PDE4D: variants seen among roughly 807,000 people sequenced by gnomAD.
PDE4D encodes 3',5'-cyclic-AMP phosphodiesterase 4D.
Under a neutral mutation model 87.4 loss-of-function variants are expected in PDE4D, and 24 were observed. The ratio of observed to expected loss-of-function variants is 0.27; its 90% CI spans 0.20 to 0.39. PDE4D has a LOEUF of 0.39. Among genes scored for constraint, PDE4D ranks in the 10% least tolerant of loss-of-function variants. The pLI, the probability that PDE4D is intolerant of heterozygous loss-of-function variation, is 1.00. For missense variants in PDE4D, 714 were observed against 1,041.0 expected (o/e 0.69, Z 4.32); for synonymous variants, 384 against 383.2 (o/e 1.00, Z -0.02).
At chr5:60,076,540 A>G (rs1006032567) in intron 2 of PDE4D, among the ~76,000 whole-genome samples, 10 of 152,088 alleles carry the variant, frequency 6.6e-5, no homozygotes, top group African/African-American at 2.2e-4. Context: ...TCATGGTGGT[A>G]TAAGGTGGGT....
intron 1 of PDE4D, among the ~76,000 whole-genome samples, chr5:60,502,574 A>C (rs1750136375): frequency 6.6e-6 from 1 of 152,218 alleles, no homozygotes; most frequent in Admixed American, 6.5e-5. Flanking sequence ...GCTGTAGACC[A>C]GAGCTGTTCC....
chr5:59,686,548 G>C (rs796294481), intron 1 of PDE4D, among the ~76,000 whole-genome samples: 10 of 152,164 alleles, frequency 6.6e-5, no homozygotes, highest in African/African-American at 2.4e-4. Flanking sequence ...AAATAGAAAT[G>C]ATCACAATTT....
intron 2 of PDE4D, among the ~76,000 whole-genome samples, chr5:59,213,357 T>C (rs1183479302): frequency 6.6e-6 from 1 of 152,024 alleles, no homozygotes; most frequent in Non-Finnish European, 1.5e-5. Context: ...GGACAAGGTC[T>C]CACTATGTTG....
At chr5:59,776,247 CATTAAACTTCTCTGGAA>C (rs1764066999) in intron 1 of PDE4D, among the ~76,000 whole-genome samples, 1 of 152,088 alleles carries the variant, frequency 6.6e-6, no homozygotes, top group African/African-American at 2.4e-5. Flanking sequence ...TCAACAAGTT[CATTAAACTTCTCTGGAA>C]CTCACTTTCC....
intron 1 of PDE4D, among the ~76,000 whole-genome samples, chr5:60,343,877 T>A (rs1758516245): frequency 6.6e-6 from 1 of 152,254 alleles, no homozygotes; most frequent in East Asian, 1.9e-4. Flanking sequence ...AATATTCGGG[T>A]TGTTTAATGA....
Position 59,754,675 on chromosome 5 carries a change from G to A in PDE4D, c.455+138493C>T, listed in dbSNP as rs189945665. ...AAAAGATTACAGGGTAGAAAAATGT[G>A]GTTCCTTACTTAGCTCTCATTTATT... On this transcript the variant is annotated intron_variant, in intron 1 of 14. Transcript: ENST00000340635. 3.3e-5 allele frequency among the ~76,000 whole-genome samples: 5 copies of A among 151,836 alleles called. No individual in the cohort carries two copies. In the East Asian group the frequency reaches 9.7e-4, roughly 29 times the overall value.
chr5:60,076,142 A>T (rs1773265920), intron 2 of PDE4D, among the ~76,000 whole-genome samples: 1 of 150,544 alleles, frequency 6.6e-6, no homozygotes, highest in South Asian at 2.1e-4. Flanking sequence ...TTGTGGTCTG[A>T]TGTTCCTCCA....
intron 1 of PDE4D, among the ~76,000 whole-genome samples, chr5:59,499,887 A>G (rs1807974535): frequency 6.6e-6 from 1 of 152,108 alleles, no homozygotes; most frequent in Non-Finnish European, 1.5e-5. Flanking sequence ...TATTCAAAAA[A>G]AAAAAAAAAT....
chr5:60,123,661 A>C (rs1231660980), intron 2 of PDE4D, among the ~76,000 whole-genome samples: 3 of 152,082 alleles, frequency 2.0e-5, no homozygotes, highest in African/African-American at 7.2e-5. Context: ...TCAATGTCAA[A>C]GTCTTCTTGA....
intron 1 of PDE4D, among the ~76,000 whole-genome samples, chr5:60,519,685 G>A (rs1750950912): frequency 6.6e-6 from 1 of 152,166 alleles, no homozygotes; most frequent in South Asian, 2.1e-4. Context: ...TTTTCCTTTG[G>A]TAACTGTCTC....
intron 1 of PDE4D, among the ~76,000 whole-genome samples, chr5:59,655,911 T>A (rs1744275511): frequency 6.6e-6 from 1 of 152,210 alleles, no homozygotes; most frequent in Admixed American, 6.5e-5. Flanking sequence ...TCTAGATCAC[T>A]TCAAGTTATG....
intron 1 of PDE4D, among the ~76,000 whole-genome samples, chr5:60,305,903 C>G (rs1754459853): frequency 6.6e-6 from 1 of 151,918 alleles, no homozygotes; most frequent in South Asian, 2.1e-4. Flanking sequence ...TAACAAAACT[C>G]TCTTAAAGAG....
At chr5:59,232,511 C>CAA (rs34024693) in intron 1 of PDE4D, among the ~76,000 whole-genome samples, 57,552 of 141,620 alleles carry the variant, frequency 0.41, 12,207 homozygotes, top group East Asian at 0.58. Context: ...ATTAAAAGAC[C>CAA]AAAAAAAAAA....
intron 2 of PDE4D, among the ~76,000 whole-genome samples, chr5:60,123,285 A>G (rs1387790233): frequency 2.0e-5 from 3 of 152,100 alleles, no homozygotes; most frequent in Non-Finnish European, 2.9e-5. Flanking sequence ...ATTGGTACCA[A>G]TTTACTGTAT....
chr5:60,247,038 T>C (rs1293136853), intron 1 of PDE4D, among the ~76,000 whole-genome samples: 1 of 152,040 alleles, frequency 6.6e-6, no homozygotes. Flanking sequence ...GATGTGTTTT[T>C]GAAGGAGACA....
intron 11 of PDE4D, among the ~76,000 whole-genome samples, chr5:58,980,370 A>C (rs193173773): frequency 2.1e-4 from 32 of 152,298 alleles, no homozygotes; most frequent in Admixed American, 1.4e-3. Flanking sequence ...CCTTATACTG[A>C]CTATGATTAC....
rs974291732 is a variant in PDE4D at position 60,055,057 on chromosome 5, A to G, written c.43-66340T>C. Among the ~76,000 whole-genome samples, 9 of 152,264 alleles carry G rather than the reference A, an allele frequency of 5.9e-5. No homozygotes were observed. In the South Asian group the frequency reaches 1.0e-3, roughly 18 times the overall value. On this transcript the variant is annotated intron_variant, in intron 2 of 16. Coordinates refer to the PDE4D transcript ENST00000502484. ...AATCATGTAGCCCATTACAAAGATC[A>G]ATGGCATCAATAAACACTGCCTTAT...
chr5:59,120,489 TCA>T (rs1242845104), intron 5 of PDE4D, among the ~76,000 whole-genome samples: 6 of 152,056 alleles, frequency 3.9e-5, no homozygotes, highest in Admixed American at 2.0e-4. Context: ...CTCAAGAACA[TCA>T]CAGTTTATGG....
At chr5:59,026,077 G>A (rs1756181499) in intron 6 of PDE4D, among the ~76,000 whole-genome samples, 1 of 152,176 alleles carries the variant, frequency 6.6e-6, no homozygotes, top group South Asian at 2.1e-4. Flanking sequence ...AGACTAGCAG[G>A]GAAAGTATTC....
Sources: allele counts gnomAD v4.1 joint callset (sites outside exome capture counted in the v4.1 genomes callset), GRCh38; gene constraint gnomAD v4.1.1; transcripts MANE v1.5; gene names NCBI Gene and HGNC (gene_info 2026-07-23, HGNC 2026-07-21).